SUSD3: variants seen among roughly 807,000 people sequenced by gnomAD.
The protein encoded by SUSD3 is sushi domain containing 3, also known as sushi domain-containing protein 3.
In SUSD3, 18 loss-of-function variants were observed where a neutral mutation model predicts 20.6. The ratio of observed to expected loss-of-function variants is 0.87; its 90% CI spans 0.60 to 1.30. SUSD3 has a LOEUF of 1.30. Ranked by LOEUF, SUSD3 falls within the 50% of genes most tolerant of loss-of-function variation. The pLI is 0.00. For synonymous variants in SUSD3, 137 were observed against 141.5 expected, an observed-to-expected ratio of 0.97 and a Z score of 0.23; for missense variants, 306 against 346.9, an observed-to-expected ratio of 0.88 and a Z score of 0.94.
chr9:93,060,801 C>T (rs1389629799), intron 1 of SUSD3, among the ~76,000 whole-genome samples: 1 of 152,202 alleles, frequency 6.6e-6, no homozygotes, highest in African/African-American at 2.4e-5. Flanking sequence ...CACCTCACTG[C>T]ACTCCACCCT....
intron 1 of SUSD3, 48 bp from the exon 2 acceptor site, chr9:93,075,736 G>GTCCCCCC: frequency 1.8e-5 from 5 of 272,214 alleles, no homozygotes; most frequent in South Asian, 5.8e-5. Flanking sequence ...TGCCCTGCGT[G>GTCCCCCC]CCCACCCCCC....
At chr9:93,072,274 C>T (rs1825941060) in intron 1 of SUSD3, among the ~76,000 whole-genome samples, 2 of 152,346 alleles carry the variant, frequency 1.3e-5, no homozygotes, top group East Asian at 1.9e-4. Flanking sequence ...CTCCTGAGGG[C>T]CACCCCTGCC....
chr9:93,079,752 G>A (rs1826334461), intron 4 of SUSD3, 150 bp downstream of exon 4: 1 of 778,084 alleles, frequency 1.3e-6, no homozygotes, highest in East Asian at 2.8e-5. Context: ...TCTAAAACAA[G>A]AGGCTGGTGG....
intron 4 of SUSD3, among the ~76,000 whole-genome samples, chr9:93,082,871 G>A (rs895667708): frequency 9.2e-5 from 14 of 152,190 alleles, no homozygotes; most frequent in Non-Finnish European, 1.6e-4. Context: ...TGCCGCTGCC[G>A]CAGGGGCTTT....
At chr9:93,082,939 T>G (rs951432009) in intron 4 of SUSD3, among the ~76,000 whole-genome samples, 5 of 152,172 alleles carry the variant, frequency 3.3e-5, no homozygotes, top group African/African-American at 1.2e-4. Context: ...GCCACACTTC[T>G]GCCTGGTCCC....
chr9:93,078,558 G>A (rs552424938), intron 3 of SUSD3, among the ~76,000 whole-genome samples: 18 of 152,100 alleles, frequency 1.2e-4, no homozygotes, highest in Admixed American at 3.3e-4. Flanking sequence ...CACCGCGCCC[G>A]GCCCGTTTTA....
At chr9:93,077,529 A>G (rs867754772) in intron 2 of SUSD3, among the ~76,000 whole-genome samples, 19 of 152,006 alleles carry the variant, frequency 1.2e-4, no homozygotes, top group Non-Finnish European at 1.5e-4. Context: ...GCACACTCCT[A>G]CACACCCTGG....
intron 1 of SUSD3, among the ~76,000 whole-genome samples, chr9:93,063,428 G>A (rs1825582728): frequency 2.0e-5 from 3 of 152,316 alleles, no homozygotes; most frequent in South Asian, 4.1e-4. Flanking sequence ...GAGAAATTCA[G>A]GTCCAAGACC....
intron 1 of SUSD3, among the ~76,000 whole-genome samples, chr9:93,066,748 G>A (rs1419685193): frequency 6.6e-6 from 1 of 151,436 alleles, no homozygotes; most frequent in Non-Finnish European, 1.5e-5. Flanking sequence ...TCACTCTGTT[G>A]CCCTGGCTGG....
chr9:93,076,864 T>C (rs1199318347), intron 2 of SUSD3, among the ~76,000 whole-genome samples: 1 of 152,198 alleles, frequency 6.6e-6, no homozygotes, highest in Admixed American at 6.5e-5. Flanking sequence ...TGATTCAAGA[T>C]GGCAGCAGCT....
chr9:93,075,731 T>TGGGGGGGGGGGGGGGGGGGGGGGGG, intron 1 of SUSD3, 53 bp from the exon 2 acceptor site: 8 of 398,888 alleles, frequency 2.0e-5, no homozygotes, highest in Non-Finnish European at 2.7e-5. Flanking sequence ...AGCCCTGCCC[T>TGGGGGGGGGGGGGGGGGGGGGGGGG]GCGTGCCCAC....
intron 4 of SUSD3, among the ~76,000 whole-genome samples, chr9:93,082,094 C>G (rs1305053652): frequency 6.6e-6 from 1 of 152,214 alleles, no homozygotes; most frequent in African/African-American, 2.4e-5. Context: ...TCATTTGTTT[C>G]TTACAGTAGC....
chr9:93,082,315 T>G (rs941622598), intron 4 of SUSD3, among the ~76,000 whole-genome samples: 4 of 103,156 alleles, frequency 3.9e-5, no homozygotes, highest in African/African-American at 2.9e-4. Flanking sequence ...CTTTCCTTTT[T>G]TTTTTTTTTT....
At chr9:93,074,775 C>T (rs1826060956) in intron 1 of SUSD3, among the ~76,000 whole-genome samples, 2 of 151,840 alleles carry the variant, frequency 1.3e-5, no homozygotes, top group Admixed American at 1.3e-4. Context: ...CCACCATGCC[C>T]AGCTAATTTT....
chr9:93,072,046 A>G (rs1475457091), intron 1 of SUSD3, among the ~76,000 whole-genome samples: 1 of 152,088 alleles, frequency 6.6e-6, no homozygotes, highest in Non-Finnish European at 1.5e-5. Context: ...TCTGTAAGGT[A>G]GGGGTAGACC....
rs369629146 is a variant in SUSD3 at position 93,075,270 on chromosome 9, A to T, written c.89-514A>T. ...CCTCTTCATAGATTAAGACTACCGA[A>T]CCAACCTTTGACCTATGCTTTCCAA... is the stretch of plus-strand genomic sequence containing the variant. On this transcript the variant is annotated intron_variant, in intron 1 of 4. Transcript: ENST00000375472. 1.9e-4 allele frequency among the ~76,000 whole-genome samples: 29 copies of T among 152,208 alleles called. No homozygotes were observed. In the South Asian group the frequency reaches 2.1e-3, roughly 11 times the overall value.
rs79601835 is a variant in SUSD3, at chr9:93,062,114, T to C, written c.88+3284T>C. ...GGATGAGAATCCACCCGGTCAGGCT[T>C]GGCCCCCTCCGTACATAAGGCCAGG... On this transcript the variant is annotated intron_variant, in intron 1 of 4. Coordinates refer to ENST00000375472, the MANE Select transcript of SUSD3 (RefSeq NM_145006.4). Among the ~76,000 whole-genome samples, 71 of 152,254 alleles carry C rather than the reference T, an allele frequency of 4.7e-4. 1 individual carries two copies. The East Asian group carries it at 0.014, about 29-fold the overall frequency.
rs945568309 is a variant in SUSD3, at chr9:93,084,575, C to T, written c.596C>T (p.Thr199Ile). Residue 199 changes from threonine (T) to isoleucine (I), a missense_variant, in exon 5 of 5, where the codon ACC (threonine) becomes ATC (isoleucine). Physicochemically the swap from Thr to Ile is moderately conservative, Grantham distance 89. Transcript: ENST00000375472. ...GESTSKLASV[T>I]RSVDKDPGIP... ...AGCACCAGCAAGCTGGCCAGTGTGACCCGCAGCGTGGACAAGGACCCTGGG... is the reference window on the plus strand; with the variant it reads ...AGCACCAGCAAGCTGGCCAGTGTGATCCGCAGCGTGGACAAGGACCCTGGG... 3 of 1,602,584 alleles carry T rather than the reference C, an allele frequency of 1.9e-6. No homozygotes were observed. Among genetic ancestry groups the T allele is most frequent in the Admixed American group, 1.7e-5 (1 of 58,156 alleles).
At chr9:93,077,737 C>G in intron 2 of SUSD3, 109 bp from the exon 3 acceptor site, 1 of 1,187,464 alleles carries the variant, frequency 8.4e-7, no homozygotes, top group Non-Finnish European at 1.2e-6. Flanking sequence ...GCTGCCCAGG[C>G]CCTGTCTACA....
Sources: allele counts gnomAD v4.1 joint callset (sites outside exome capture counted in the v4.1 genomes callset), GRCh38; gene constraint gnomAD v4.1.1; transcripts MANE v1.5; gene names NCBI Gene and HGNC (gene_info 2026-07-23, HGNC 2026-07-21).